Variants in ERC2 observed in about 807,000 individuals in gnomAD.
ERC2 encodes ELKS/RAB6-interacting/CAST family member 2, also known as ERC protein 2.
In ERC2, 42 loss-of-function variants were observed where a neutral mutation model predicts 114.8. The observed-to-expected ratio is 0.37, with a 90% CI of 0.29 to 0.47. ERC2 has a LOEUF of 0.47. ERC2 is among the 20% of genes least tolerant of loss of function. ERC2 has a pLI of 0.99. For synonymous variants in ERC2, 454 were observed against 425.5 expected, an observed-to-expected ratio of 1.07 and a Z score of -0.82; for missense variants, 939 against 1,150.7, an observed-to-expected ratio of 0.82 and a Z score of 2.66.
At chr3:56,031,868 G>T (rs1284830062) in intron 7 of ERC2, among the ~76,000 whole-genome samples, 1 of 152,194 alleles carries the variant, frequency 6.6e-6, no homozygotes, top group African/African-American at 2.4e-5. Context: ...TTTTGGTATA[G>T]TCTGATTTGT....
chr3:55,822,356 G>C (rs1021699288), intron 14 of ERC2, among the ~76,000 whole-genome samples: 1 of 152,136 alleles, frequency 6.6e-6, no homozygotes, highest in Non-Finnish European at 1.5e-5. Flanking sequence ...TGAAATTTAT[G>C]TTGCTACAAT....
At chr3:56,108,631 A>T (rs192088168) in intron 6 of ERC2, among the ~76,000 whole-genome samples, 1 of 152,308 alleles carries the variant, frequency 6.6e-6, no homozygotes, top group East Asian at 1.9e-4. Flanking sequence ...ATATTTACTT[A>T]AACTAATCAA....
At chr3:55,639,672 G>C (rs1478376966) in intron 17 of ERC2, among the ~76,000 whole-genome samples, 1 of 152,112 alleles carries the variant, frequency 6.6e-6, no homozygotes, top group Non-Finnish European at 1.5e-5. Flanking sequence ...GGCTGATTTC[G>C]ATCCTTATAT....
intron 13 of ERC2, among the ~76,000 whole-genome samples, chr3:55,923,382 T>C (rs968895984): frequency 1.3e-5 from 2 of 151,714 alleles, no homozygotes; most frequent in African/African-American, 4.8e-5. Context: ...GGACCAGGGG[T>C]ATGAGGTTAT....
chr3:55,926,668 G>A (rs1033724341), intron 13 of ERC2, among the ~76,000 whole-genome samples: 2 of 152,100 alleles, frequency 1.3e-5, no homozygotes, highest in African/African-American at 4.8e-5. Flanking sequence ...ATCACCTTCT[G>A]TCTCTACATC....
At chr3:55,798,888 C>T (rs1352445487) in intron 14 of ERC2, among the ~76,000 whole-genome samples, 10 of 125,324 alleles carry the variant, frequency 8.0e-5, no homozygotes, top group Non-Finnish European at 1.6e-5. Context: ...TATGGTAAAC[C>T]AAGAACATTA....
intron 12 of ERC2, 65 bp from the exon 13 acceptor site, chr3:55,950,625 G>C (rs1178203098): frequency 1.9e-6 from 3 of 1,568,872 alleles, no homozygotes; most frequent in Non-Finnish European, 2.6e-6. Flanking sequence ...ATCACAAATA[G>C]ATTCAGGAAG....
chr3:55,669,061 A>T (rs1474744687), intron 17 of ERC2, among the ~76,000 whole-genome samples: 1 of 152,218 alleles, frequency 6.6e-6, no homozygotes. Context: ...ACAAGAGCTT[A>T]GTTTTTCATC....
intron 14 of ERC2, among the ~76,000 whole-genome samples, chr3:55,737,263 G>A (rs566288601): frequency 2.6e-5 from 4 of 152,314 alleles, no homozygotes; most frequent in Admixed American, 6.5e-5. Flanking sequence ...TGTGTGAGCA[G>A]CAGAACATGT....
At chr3:55,784,445 G>C (rs1295668905) in intron 14 of ERC2, among the ~76,000 whole-genome samples, 2 of 152,148 alleles carry the variant, frequency 1.3e-5, no homozygotes, top group Non-Finnish European at 2.9e-5. Context: ...TGTAAAAAAG[G>C]CTGCCTAGTG....
At chr3:56,450,945 C>T (rs1392727943) in intron 1 of ERC2, among the ~76,000 whole-genome samples, 1 of 152,016 alleles carries the variant, frequency 6.6e-6, no homozygotes, top group Non-Finnish European at 1.5e-5. Context: ...ATAAAATATG[C>T]TGATTATAAC....
At chr3:56,411,715 G>T (rs1307616174) in intron 2 of ERC2, among the ~76,000 whole-genome samples, 1 of 152,098 alleles carries the variant, frequency 6.6e-6, no homozygotes, top group Non-Finnish European at 1.5e-5. Flanking sequence ...GAAAACTGAG[G>T]CCCAGAAGGG....
intron 14 of ERC2, among the ~76,000 whole-genome samples, chr3:55,839,009 A>C (rs2061016877): frequency 6.6e-6 from 1 of 151,918 alleles, no homozygotes; most frequent in Non-Finnish European, 1.5e-5. Context: ...CACCAAGCTC[A>C]AGAAACATGT....
intron 14 of ERC2, among the ~76,000 whole-genome samples, chr3:55,827,909 G>A (rs915919460): frequency 6.6e-6 from 1 of 152,196 alleles, no homozygotes; most frequent in African/African-American, 2.4e-5. Flanking sequence ...TCACAAAACT[G>A]TTCCACTCAG....
chr3:56,299,122 TTTTTTTTTGTTTGTTTG>T (rs1278124141), intron 2 of ERC2, among the ~76,000 whole-genome samples: 14 of 123,536 alleles, frequency 1.1e-4, no homozygotes, highest in African/African-American at 4.2e-4. Context: ...TTTTTTTGTT[TTTTTTTTTGTTTGTTTG>T]TTTTTTGAGA....
At chr3:56,097,658 C>T (rs545651894) in intron 6 of ERC2, among the ~76,000 whole-genome samples, 24 of 152,222 alleles carry the variant, frequency 1.6e-4, no homozygotes, top group African/African-American at 5.8e-4. Context: ...ATGGGAAGTT[C>T]CCACCGTTTT....
chr3:55,991,939 T>C, intron 11 of ERC2, 118 bp downstream of exon 11: 2 of 870,076 alleles, frequency 2.3e-6, no homozygotes, highest in Non-Finnish European at 3.6e-6. Context: ...TCCTCATTTA[T>C]GACTTGTTTC....
intron 3 of ERC2, among the ~76,000 whole-genome samples, chr3:56,263,066 C>A (rs1241211969): frequency 1.3e-5 from 2 of 152,136 alleles, no homozygotes; most frequent in African/African-American, 4.8e-5. Context: ...CTGCCTTTGG[C>A]AAGGAAGAGC....
At chr3:55,926,714 T>A (rs911819004) in intron 13 of ERC2, among the ~76,000 whole-genome samples, 1 of 152,128 alleles carries the variant, frequency 6.6e-6, no homozygotes, top group East Asian at 1.9e-4. Flanking sequence ...CATCATGGCC[T>A]CTTCCTGCCA....
Sources: gnomAD v4.1 joint callset for allele counts (sites outside exome capture counted in the v4.1 genomes callset) on GRCh38, gnomAD v4.1.1 for gene constraint, MANE v1.5 for transcripts, NCBI Gene and HGNC (gene_info 2026-07-23, HGNC 2026-07-21) for gene names.